TINAG: variants seen among roughly 807,000 people sequenced by gnomAD.
TINAG encodes the protein tubulointerstitial nephritis antigen.
In TINAG, 83 loss-of-function variants were observed where a neutral mutation model predicts 72.7. The ratio of observed to expected loss-of-function variants is 1.14; its 90% confidence interval spans 0.96 to 1.37. The LOEUF is 1.37. Among genes scored for constraint, TINAG ranks in the 40% most tolerant of loss-of-function variants. The pLI, the probability that TINAG is intolerant of heterozygous loss-of-function variation, is 0.00. For synonymous variants in TINAG, 234 were observed against 189.9 expected (o/e 1.23, Z -1.91); for missense variants, 685 against 576.6 (o/e 1.19, Z -1.93).
intron 10 of TINAG, among the ~76,000 whole-genome samples, chr6:54,381,133 T>C (rs1763936466): frequency 1.3e-5 from 2 of 149,942 alleles, no homozygotes; most frequent in African/African-American, 4.9e-5. Flanking sequence ...AGGATATATA[T>C]ACACACATAT....
Position 54,308,859 on chromosome 6 carries a change from T to G in TINAG, c.309T>G (p.Arg103=). 1 of 1,613,472 alleles carries G rather than the reference T, an allele frequency of 6.2e-7. No individual in the cohort carries two copies. Among genetic ancestry groups the G allele is most frequent in the Non-Finnish European group, 8.5e-7 (1 of 1,179,738 alleles). ...GTCCTGACTACAAGTCCTTTTGCCG[T>G]GAAGAGAAAGAATGGCCTCCTCACA... ...DCCPDYKSFC[R]EEKEWPPHTQ... The change falls in exon 1 of 11, where the codon CGT becomes CGG. Residue 103 remains arginine, a synonymous_variant. Transcript: ENST00000259782.
chr6:54,343,721 C>T (rs1012288280), intron 5 of TINAG, among the ~76,000 whole-genome samples: 1 of 151,412 alleles, frequency 6.6e-6, no homozygotes, highest in Non-Finnish European at 1.5e-5. Flanking sequence ...ACGTAATCCT[C>T]ATACCTTTAC....
intron 4 of TINAG, among the ~76,000 whole-genome samples, chr6:54,327,397 T>G (rs1328801702): frequency 6.6e-6 from 1 of 152,036 alleles, no homozygotes; most frequent in African/African-American, 2.4e-5. Context: ...GGGACTGTGT[T>G]GTGAGGGATG....
rs995476692 is a variant in TINAG, at chr6:54,308,696, G to C, written c.146G>C (p.Arg49Thr). 4.3e-6 allele frequency: 7 copies of C among 1,613,760 alleles called. No individual in the cohort carries two copies. In the African/African-American group the frequency reaches 8.0e-5, roughly 18 times the overall value. The change falls in exon 1 of 11, where the codon AGA (arginine) becomes ACA (threonine). Residue 49 changes from arginine to threonine, a missense_variant. Arg to Thr is a moderately conservative substitution (Grantham distance 71). Transcript: ENST00000259782. ...GTTTTGCAAGGTACTCGATTCAAAAGAGCCATTTTCCAAGGGCAATACTGT... is the reference window on the plus strand; with the variant it reads ...GTTTTGCAAGGTACTCGATTCAAAACAGCCATTTTCCAAGGGCAATACTGT... ...HTVLQGTRFKRAIFQGQYCRN... is the reference protein window; with the variant it reads ...HTVLQGTRFKTAIFQGQYCRN...
intron 6 of TINAG, among the ~76,000 whole-genome samples, chr6:54,349,277 AG>A (rs1359374546): frequency 6.6e-6 from 1 of 152,024 alleles, no homozygotes; most frequent in Non-Finnish European, 1.5e-5. Flanking sequence ...AAAACTTTAA[AG>A]TTACAACTTA....
intron 8 of TINAG, among the ~76,000 whole-genome samples, chr6:54,353,381 A>G (rs976360376): frequency 6.6e-6 from 1 of 151,880 alleles, no homozygotes; most frequent in African/African-American, 2.4e-5. Flanking sequence ...GGCCTGGCAT[A>G]CGGCATTTCC....
intron 9 of TINAG, among the ~76,000 whole-genome samples, chr6:54,378,494 A>G (rs148532464): frequency 3.3e-5 from 5 of 152,320 alleles, no homozygotes; most frequent in East Asian, 1.9e-4. Context: ...AAGATTTGCA[A>G]GAATTATTCT....
intron 7 of TINAG, 133 bp from the exon 8 acceptor site, chr6:54,351,219 T>C (rs541241783): frequency 3.0e-6 from 2 of 676,672 alleles, no homozygotes; most frequent in South Asian, 3.7e-5. Flanking sequence ...ATTTCATTAA[T>C]GTAGCATAAT....
chr6:54,351,643 C>T (rs1785269766), intron 8 of TINAG, among the ~76,000 whole-genome samples: 3 of 151,896 alleles, frequency 2.0e-5, no homozygotes, highest in South Asian at 4.1e-4. Context: ...ATTAATGACA[C>T]ATTTGATGAA....
chr6:54,377,655 A>G (rs913534765), intron 9 of TINAG, among the ~76,000 whole-genome samples: 2 of 152,198 alleles, frequency 1.3e-5, no homozygotes, highest in African/African-American at 4.8e-5. Context: ...TAGAGCAAAT[A>G]TGAATATAAT....
intron 6 of TINAG, among the ~76,000 whole-genome samples, chr6:54,349,415 A>G (rs1045749329): frequency 6.6e-6 from 1 of 152,054 alleles, no homozygotes; most frequent in Non-Finnish European, 1.5e-5. Flanking sequence ...TATTAATATT[A>G]CCACAGACTT....
At position 54,347,382 on chromosome 6, in the gene TINAG, G is replaced by A. The variant is rs750703188; in HGVS notation, c.764G>A (p.Arg255Gln). The change falls in exon 6 of 11, where the codon CGA becomes CAA. Residue 255 changes from arginine to glutamine, a missense_variant. Coordinates refer to ENST00000259782, the MANE Select transcript of TINAG (RefSeq NM_014464.4). Reference sequence around the variant, plus strand: ...TTTGAAACAGGTGTGGCTGCTGACCGAATAGCAATTCAGTCTAAGGGTCGA... The same window carrying A: ...TTTGAAACAGGTGTGGCTGCTGACCAAATAGCAATTCAGTCTAAGGGTCGA... Reference protein sequence around the residue: ...AFSTASVAADRIAIQSKGRYT... With the variant: ...AFSTASVAADQIAIQSKGRYT... 2.5e-6 allele frequency: 4 copies of A among 1,612,196 alleles called. No individual in the cohort carries two copies. Among genetic ancestry groups the A allele is most frequent in the East Asian group, 2.2e-5 (1 of 44,760 alleles).
At chr6:54,318,282 C>G (rs573293030) in intron 1 of TINAG, among the ~76,000 whole-genome samples, 338 of 152,254 alleles carry the variant, frequency 2.2e-3, no homozygotes, top group African/African-American at 7.5e-3. Flanking sequence ...GGATGTCTAG[C>G]CTAGGTTTTA....
rs1582756404 is a variant in TINAG, at chr6:54,375,218, C to T, written c.1251-5308C>T. Among the ~76,000 whole-genome samples the T allele has an allele frequency of 5.9e-5, 9 of 152,288 alleles. No individual in the cohort carries two copies. The South Asian group carries it at 1.9e-3, about 32-fold the overall frequency. Reference sequence around the variant, plus strand: ...ACATGAGTTAGGAAATAATTATTCTCATCACAGAAGAATTCCTGTAGAGAA... The same window carrying T: ...ACATGAGTTAGGAAATAATTATTCTTATCACAGAAGAATTCCTGTAGAGAA... On this transcript the variant is annotated intron_variant, in intron 9 of 10. Coordinates refer to ENST00000259782, the MANE Select transcript of TINAG (RefSeq NM_014464.4).
chr6:54,381,170 CTT>C (rs150987371), intron 10 of TINAG, among the ~76,000 whole-genome samples: 2 of 143,776 alleles, frequency 1.4e-5, no homozygotes, highest in East Asian at 2.0e-4. Context: ...TAGGTTAAGG[CTT>C]TTTTTTTTCT....
chr6:54,308,868 A>T lies in TINAG; in HGVS notation c.318A>T (p.Lys106Asn). 3 of 1,613,178 alleles carry T rather than the reference A, an allele frequency of 1.9e-6. No homozygotes were observed. The highest frequency in any genetic ancestry group is 2.5e-6 in the Non-Finnish European group (3 of 1,179,606). Residue 106 changes from lysine (K) to asparagine (N), a missense_variant, in exon 1 of 11, where the codon AAA (lysine) becomes AAT (asparagine). By Grantham distance (94) the Lys-to-Asn change is moderately conservative. Transcript: ENST00000259782. ...ACAAGTCCTTTTGCCGTGAAGAGAA[A>T]GAATGGCCTCCTCACACACAGCCTT... ...PDYKSFCREE[K>N]EWPPHTQPWY...
At chr6:54,372,240 C>A (rs1231979096) in intron 9 of TINAG, among the ~76,000 whole-genome samples, 1 of 151,852 alleles carries the variant, frequency 6.6e-6, no homozygotes, top group Non-Finnish European at 1.5e-5. Flanking sequence ...GATCTGCCTA[C>A]CTTGGCCTCC....
intron 7 of TINAG, among the ~76,000 whole-genome samples, chr6:54,350,875 T>C (rs996445658): frequency 6.6e-6 from 1 of 151,826 alleles, no homozygotes; most frequent in African/African-American, 2.4e-5. Context: ...TATTTGTTCC[T>C]GTCATAGTTT....
At chr6:54,385,441 C>A in intron 10 of TINAG, among the ~76,000 whole-genome samples, 1 of 150,550 alleles carries the variant, frequency 6.6e-6, no homozygotes, top group African/African-American at 2.4e-5. Flanking sequence ...CAAAAACCTA[C>A]ACAGGATGAA....
Sources: allele counts gnomAD v4.1 joint callset (sites outside exome capture counted in the v4.1 genomes callset), GRCh38; gene constraint gnomAD v4.1.1; transcripts MANE v1.5; gene names NCBI Gene and HGNC (gene_info 2026-07-23, HGNC 2026-07-21).